The following CCDC93 variants were observed in gnomAD, a reference collection of about 807,000 sequenced individuals.
CCDC93 encodes the protein CCC complex scaffolding subunit CCDC93.
CCDC93 carries 61 observed loss-of-function variants against 108.2 expected under a neutral mutation model. The observed-to-expected ratio is 0.56, with a 90% confidence interval of 0.46 to 0.70. The LOEUF is 0.70. CCDC93 is among the 30% of genes least tolerant of loss of function. The pLI is 0.00. For missense variants in CCDC93, 685 were observed against 764.2 expected (o/e 0.90, Z 1.22); for synonymous variants, 276 against 260.4 (o/e 1.06, Z -0.58).
intron 15 of CCDC93, 64 bp downstream of exon 15, chr2:117,948,041 C>A (rs914376567): frequency 7.6e-7 from 1 of 1,311,848 alleles, no homozygotes; most frequent in Non-Finnish European, 1.1e-6. Context: ...AACAGGACAA[C>A]GGAGGTAAAC....
intron 3 of CCDC93, among the ~76,000 whole-genome samples, chr2:118,004,850 C>A (rs1433502360): frequency 6.6e-6 from 1 of 152,158 alleles, no homozygotes; most frequent in Non-Finnish European, 1.5e-5. Context: ...TATCCAAACC[C>A]TTTGGGTCAG....
rs758246077 is a variant in CCDC93 at position 117,935,598 on chromosome 2, G to C, written c.1644-19C>G. The C allele has an allele frequency of 1.9e-6, 3 of 1,586,416 alleles. No homozygotes were observed. The highest frequency in any genetic ancestry group is 2.2e-5 in the South Asian group (2 of 90,496). On this transcript the variant is annotated intron_variant, in intron 21 of 23. Coordinates refer to ENST00000376300, the MANE Select transcript of CCDC93 (RefSeq NM_019044.5). ...CATGGCCCTGAAAGAAAAACCAGTA[G>C]AGTTATGACCGGCACACAGGACTCT...
At chr2:117,972,235 T>G (rs1679788930) in intron 11 of CCDC93, among the ~76,000 whole-genome samples, 1 of 152,214 alleles carries the variant, frequency 6.6e-6, no homozygotes, top group Non-Finnish European at 1.5e-5. Context: ...GAAAAAATCT[T>G]GGCACGGCTT....
At chr2:117,931,883 T>C (rs528634512) in intron 22 of CCDC93, among the ~76,000 whole-genome samples, 1 of 152,318 alleles carries the variant, frequency 6.6e-6, no homozygotes, top group African/African-American at 2.4e-5. Context: ...CAACAAACAT[T>C]GACTTAGAAC....
intron 3 of CCDC93, 92 bp downstream of exon 3, chr2:118,006,630 T>C (rs953277710): frequency 1.6e-5 from 12 of 735,290 alleles, no homozygotes; most frequent in Middle Eastern, 2.3e-4. Flanking sequence ...AAATAAACTA[T>C]GTAAAGTGTC....
In CCDC93 at chr2:117,962,414, T is replaced by G. The variant is rs964746406; in HGVS notation, c.889-3933A>C. On this transcript the variant is annotated intron_variant, in intron 11 of 23. Coordinates refer to ENST00000376300, the MANE Select transcript of CCDC93 (RefSeq NM_019044.5). ...ATCCCAGCACCTCCAGAGGCCAAGG[T>G]GAGTGGATCACTTGAGGTCAGGAGT... 1.6e-3 allele frequency among the ~76,000 whole-genome samples: 247 copies of G among 152,160 alleles called. 1 individual carries two copies. Among genetic ancestry groups the G allele is most frequent in the Non-Finnish European group, 1.4e-3 (94 of 67,986 alleles).
chr2:118,006,899 A>G, intron 2 of CCDC93, 83 bp from the exon 3 acceptor site: 1 of 788,936 alleles, frequency 1.3e-6, no homozygotes, highest in Non-Finnish European at 2.2e-6. Context: ...GATTATAAAT[A>G]GCTCTAATAG....
chr2:117,926,065 A>C (rs999281498), intron 23 of CCDC93, among the ~76,000 whole-genome samples: 1 of 152,186 alleles, frequency 6.6e-6, no homozygotes, highest in Non-Finnish European at 1.5e-5. Context: ...GTTCTTTGAA[A>C]CCAACGAGAA....
intron 13 of CCDC93, 95 bp downstream of exon 13, chr2:117,952,278 A>G: frequency 1.2e-6 from 1 of 867,650 alleles, no homozygotes; most frequent in Non-Finnish European, 2.0e-6. Flanking sequence ...TGTCTCCCAC[A>G]CACAGACCGA....
Position 117,993,179 on chromosome 2 carries a change from G to A in CCDC93, c.519+2267C>T, listed in dbSNP as rs1036687642. On this transcript the variant is annotated intron_variant, in intron 6 of 23. Coordinates refer to ENST00000376300, the MANE Select transcript of CCDC93 (RefSeq NM_019044.5). ...TGGGAGGCCGAGGTGGGCGGACCTC[G>A]AGGTCAGGAGATCGAGACCATCCTG... 3.9e-5 allele frequency among the ~76,000 whole-genome samples: 6 copies of A among 152,220 alleles called. No homozygotes were observed. The South Asian group carries it at 6.2e-4, about 16-fold the overall frequency.
intron 17 of CCDC93, 125 bp from the exon 18 acceptor site, chr2:117,944,211 T>C: frequency 1.6e-6 from 1 of 618,202 alleles, no homozygotes. Context: ...TTTCTCTTCT[T>C]AAATGCCCAA....
chr2:117,961,691 G>C (rs1330857880), intron 11 of CCDC93, among the ~76,000 whole-genome samples: 1 of 152,178 alleles, frequency 6.6e-6, no homozygotes, highest in Non-Finnish European at 1.5e-5. Context: ...CATTCACTGA[G>C]AGATACGATG....
chr2:117,994,637 A>G (rs1680587674), intron 6 of CCDC93, among the ~76,000 whole-genome samples: 2 of 152,222 alleles, frequency 1.3e-5, no homozygotes, highest in African/African-American at 4.8e-5. Context: ...AGGCAATGCC[A>G]ATCTTTACAA....
intron 14 of CCDC93, 91 bp from the exon 15 acceptor site, chr2:117,948,277 T>A: frequency 2.4e-6 from 2 of 841,592 alleles, no homozygotes; most frequent in Non-Finnish European, 3.9e-6. Flanking sequence ...AAAAAAGGAC[T>A]CTCCTTTTAA....
intron 6 of CCDC93, among the ~76,000 whole-genome samples, chr2:117,986,319 G>A (rs998361091): frequency 3.3e-5 from 5 of 152,040 alleles, no homozygotes; most frequent in African/African-American, 9.7e-5. Flanking sequence ...AACGAAATAC[G>A]TGGCATGTAG....
chr2:118,008,909 G>C (rs1025018565), intron 1 of CCDC93: 12 of 456,282 alleles, frequency 2.6e-5, no homozygotes, highest in Admixed American at 1.6e-4. Flanking sequence ...TGCCCAAGTA[G>C]TATATACTAC....
intron 16 of CCDC93, among the ~76,000 whole-genome samples, chr2:117,946,149 C>A (rs1467532288): frequency 1.3e-5 from 2 of 152,154 alleles, no homozygotes; most frequent in Non-Finnish European, 2.9e-5. Context: ...TCCTGTACAG[C>A]CATGGGCACT....
At chr2:118,009,175 A>G (rs1402381642) in intron 1 of CCDC93, among the ~76,000 whole-genome samples, 3 of 152,124 alleles carry the variant, frequency 2.0e-5, no homozygotes, top group South Asian at 4.1e-4. Context: ...GTTCAAGACC[A>G]GCCTGGCCAA....
At chr2:117,960,132 T>C (rs1182721623) in intron 11 of CCDC93, among the ~76,000 whole-genome samples, 2 of 152,230 alleles carry the variant, frequency 1.3e-5, no homozygotes, top group African/African-American at 2.4e-5. Flanking sequence ...CCAGCTTAGA[T>C]TCCTTGACTT....
Sources: gnomAD v4.1 joint callset for allele counts (sites outside exome capture counted in the v4.1 genomes callset) on GRCh38, gnomAD v4.1.1 for gene constraint, MANE v1.5 for transcripts, NCBI Gene and HGNC (gene_info 2026-07-23, HGNC 2026-07-21) for gene names.